Variants in MCTP1 observed in about 807,000 individuals in gnomAD.
MCTP1 encodes the protein multiple C2 and transmembrane domain-containing protein 1.
MCTP1 carries 69 observed loss-of-function variants against 120.6 expected under a neutral mutation model. The ratio of observed to expected loss-of-function variants is 0.57; its 90% CI spans 0.47 to 0.70. MCTP1 has a LOEUF of 0.70. MCTP1 is among the 30% of genes least tolerant of loss of function. MCTP1 has a pLI of 0.00. For synonymous variants in MCTP1, 529 were observed against 493.1 expected, an observed-to-expected ratio of 1.07 and a Z score of -0.96; for missense variants, 1,203 against 1,248.8, an observed-to-expected ratio of 0.96 and a Z score of 0.55.
At chr5:94,722,299 C>T (rs1046769781) in intron 19 of MCTP1, among the ~76,000 whole-genome samples, 1 of 152,086 alleles carries the variant, frequency 6.6e-6, no homozygotes, top group East Asian at 1.9e-4. Context: ...TGATAGACAT[C>T]GGGGTGAATA....
At chr5:94,787,702 C>T (rs545083733) in intron 18 of MCTP1, among the ~76,000 whole-genome samples, 2 of 151,806 alleles carry the variant, frequency 1.3e-5, no homozygotes, top group Non-Finnish European at 2.9e-5. Flanking sequence ...CTGCAAGCTC[C>T]GCCTCCTGGG....
chr5:95,186,779 G>A (rs560240642), intron 1 of MCTP1, among the ~76,000 whole-genome samples: 77 of 152,280 alleles, frequency 5.1e-4, no homozygotes, highest in African/African-American at 1.8e-3. Context: ...AATCAAGACA[G>A]TATGGTAGTG....
At chr5:94,967,970 A>G (rs1825988882) in intron 2 of MCTP1, among the ~76,000 whole-genome samples, 1 of 152,212 alleles carries the variant, frequency 6.6e-6, no homozygotes, top group South Asian at 2.1e-4. Context: ...CCAAGTATTA[A>G]AAAGAAATTT....
chr5:94,931,994 G>A lies in MCTP1; in HGVS notation c.1174-3C>T. ...CAACTCTTCCTCATTAGCATTGTCTGTAAATAAAATAAAGCATTTTCATTA... is the reference window on the plus strand; with the variant it reads ...CAACTCTTCCTCATTAGCATTGTCTATAAATAAAATAAAGCATTTTCATTA... On this transcript the variant is annotated splice_polypyrimidine_tract_variant and splice_region_variant and intron_variant, in intron 5 of 22. Coordinates refer to ENST00000515393, the MANE Select transcript of MCTP1 (RefSeq NM_024717.7). 1.3e-6 allele frequency: 2 copies of A among 1,588,718 alleles called. No homozygotes were observed. Among genetic ancestry groups the A allele is most frequent in the Non-Finnish European group, 1.7e-6 (2 of 1,158,746 alleles).
chr5:94,826,101 AT>A, intron 17 of MCTP1: 4 of 311,624 alleles, frequency 1.3e-5, no homozygotes, highest in South Asian at 3.9e-5. Context: ...TCTGTGAAGC[AT>A]TTTCCAACAG....
At chr5:94,716,757 T>G (rs1419598167) in intron 19 of MCTP1, among the ~76,000 whole-genome samples, 1 of 151,890 alleles carries the variant, frequency 6.6e-6, no homozygotes, top group Non-Finnish European at 1.5e-5. Context: ...ATAAAAAGTT[T>G]TTTTTTTTTT....
intron 1 of MCTP1, among the ~76,000 whole-genome samples, chr5:95,129,286 A>G (rs1384990615): frequency 6.6e-6 from 1 of 152,200 alleles, no homozygotes; most frequent in Non-Finnish European, 1.5e-5. Context: ...AGTTTTATCA[A>G]TTTTGTCAAG....
chr5:94,788,163 C>T (rs914813503), intron 18 of MCTP1, among the ~76,000 whole-genome samples: 4 of 152,158 alleles, frequency 2.6e-5, no homozygotes, highest in African/African-American at 9.7e-5. Context: ...CCAGAACATT[C>T]AGTTAGTTTT....
intron 17 of MCTP1, among the ~76,000 whole-genome samples, chr5:94,802,393 A>G (rs1459887755): frequency 6.6e-6 from 1 of 152,220 alleles, no homozygotes. Flanking sequence ...TTTATTCAAT[A>G]TAATATTAGT....
intron 11 of MCTP1, among the ~76,000 whole-genome samples, chr5:94,890,999 A>G (rs778145692): frequency 6.6e-6 from 1 of 152,204 alleles, no homozygotes; most frequent in Non-Finnish European, 1.5e-5. Flanking sequence ...CCATCATCAT[A>G]TTAATAATGT....
intron 3 of MCTP1, among the ~76,000 whole-genome samples, chr5:94,950,194 GT>G: frequency 6.6e-6 from 1 of 152,130 alleles, no homozygotes; most frequent in African/African-American, 2.4e-5. Context: ...ATGTGTACTA[GT>G]ATCTCAGAGA....
intron 1 of MCTP1, among the ~76,000 whole-genome samples, chr5:95,223,063 C>T (rs1161251202): frequency 1.3e-5 from 2 of 152,208 alleles, no homozygotes; most frequent in Non-Finnish European, 2.9e-5. Flanking sequence ...GGCCCACCCT[C>T]ATTATGGAGG....
intron 19 of MCTP1, among the ~76,000 whole-genome samples, chr5:94,772,345 G>A (rs1173818007): frequency 2.6e-5 from 4 of 152,254 alleles, no homozygotes; most frequent in Non-Finnish European, 5.9e-5. Context: ...AGGTAGTCCA[G>A]CTGTCTCAGA....
chr5:95,196,583 T>A (rs1200420793), intron 1 of MCTP1, among the ~76,000 whole-genome samples: 2 of 151,844 alleles, frequency 1.3e-5, no homozygotes, highest in East Asian at 1.9e-4. Flanking sequence ...GGAGAAAGAG[T>A]CGATATAATC....
chr5:94,807,508 T>C (rs1357390652), intron 17 of MCTP1, among the ~76,000 whole-genome samples: 2 of 152,312 alleles, frequency 1.3e-5, no homozygotes, highest in Non-Finnish European at 2.9e-5. Context: ...AAGAGTAGGA[T>C]AGTTAGAAGC....
Position 95,006,388 on chromosome 5 carries a change from A to G in MCTP1, c.838+10979T>C, listed in dbSNP as rs574705545. Among the ~76,000 whole-genome samples the G allele has an allele frequency of 1.4e-3, 209 of 152,032 alleles. 2 individuals carry two copies. Among genetic ancestry groups the G allele is most frequent in the African/African-American group, 4.8e-3 (201 of 41,494 alleles). ...ATATATATATGTATATTAGAAGCTTAAGATCATAGACTATATGAAATAACT... is the reference window on the plus strand; with the variant it reads ...ATATATATATGTATATTAGAAGCTTGAGATCATAGACTATATGAAATAACT... On this transcript the variant is annotated intron_variant, in intron 2 of 22. Transcript: ENST00000515393.
At chr5:95,191,718 A>G (rs1691430265) in intron 1 of MCTP1, among the ~76,000 whole-genome samples, 1 of 151,980 alleles carries the variant, frequency 6.6e-6, no homozygotes, top group South Asian at 2.1e-4. Context: ...TAACAAATGC[A>G]TTTCAACTAA....
intron 1 of MCTP1, among the ~76,000 whole-genome samples, chr5:95,137,478 G>T (rs145074621): frequency 6.6e-6 from 1 of 152,144 alleles, no homozygotes; most frequent in African/African-American, 2.4e-5. Context: ...CAAAACTAAA[G>T]TTGCATGCAA....
chr5:94,967,462 G>A (rs1382185138), intron 2 of MCTP1, among the ~76,000 whole-genome samples: 1 of 152,176 alleles, frequency 6.6e-6, no homozygotes, highest in African/African-American at 2.4e-5. Context: ...CTAGGCTGCT[G>A]GAACCTGAAC....
Sources: gnomAD v4.1 joint callset for allele counts (sites outside exome capture counted in the v4.1 genomes callset) on GRCh38, gnomAD v4.1.1 for gene constraint, MANE v1.5 for transcripts, NCBI Gene and HGNC (gene_info 2026-07-23, HGNC 2026-07-21) for gene names.